UGT1A9: variants seen among roughly 807,000 people sequenced by gnomAD.
The protein encoded by UGT1A9 is UDP glucuronosyltransferase family 1 member A9, also known as UDP-glucuronosyltransferase 1A9.
UGT1A9 carries 35 observed loss-of-function variants against 45.0 expected under a neutral mutation model. The observed-to-expected ratio is 0.78, with a 90% confidence interval of 0.59 to 1.03. The LOEUF is 1.03. Ranked by LOEUF, UGT1A9 falls within the 50% of genes least tolerant of loss-of-function variation. The pLI is 0.00. For missense variants in UGT1A9, 687 were observed against 666.6 expected (o/e 1.03, Z -0.34); for synonymous variants, 278 against 250.6 (o/e 1.11, Z -1.03).
chr2:233,712,916 G>C, intron 1 of UGT1A9: 2 of 1,611,516 alleles, frequency 1.2e-6, no homozygotes, highest in South Asian at 2.2e-5. Context: ...CAGTGACAAG[G>C]TAATTAAGAC....
intron 1 of UGT1A9, chr2:233,729,771 C>A: frequency 6.2e-7 from 1 of 1,613,970 alleles, no homozygotes; most frequent in Non-Finnish European, 8.5e-7. Flanking sequence ...AGAACATGCT[C>A]TACCCTCTGG....
chr2:233,672,710 T>C lies in UGT1A9; in HGVS notation c.776T>C (p.Leu259Ser), dbSNP rs1411947068. 1 of 1,613,972 alleles carries C rather than the reference T, an allele frequency of 6.2e-7. No homozygotes were observed. Among genetic ancestry groups the C allele is most frequent in the South Asian group, 1.1e-5 (1 of 91,074 alleles). The change falls in exon 1 of 5, where the codon TTG becomes TCG. Residue 259 changes from leucine (L) to serine (S), a missense_variant. Coordinates refer to ENST00000354728, the MANE Select transcript of UGT1A9 (RefSeq NM_021027.3). The stretch of plus-strand genomic sequence containing the variant: ...TGGTTGTTGCGAACGGACTTTGTTT[T>C]GGACTATCCCAAACCCGTGATGCCC... Reference protein sequence around the residue: ...SIWLLRTDFVLDYPKPVMPNM... With the variant: ...SIWLLRTDFVSDYPKPVMPNM...
At chr2:233,753,987 C>A (rs1695364762) in intron 1 of UGT1A9, among the ~76,000 whole-genome samples, 1 of 152,156 alleles carries the variant, frequency 6.6e-6, no homozygotes, top group African/African-American at 2.4e-5. Context: ...TTTTAAGCCA[C>A]CAAGTTTGGG....
intron 1 of UGT1A9, chr2:233,747,578 G>A: frequency 6.3e-7 from 1 of 1,584,344 alleles, no homozygotes; most frequent in Non-Finnish European, 8.7e-7. Flanking sequence ...ATTCATCTTT[G>A]GTCTTTCATA....
chr2:233,686,654 A>G (rs1262274748), intron 1 of UGT1A9, among the ~76,000 whole-genome samples: 1 of 152,090 alleles, frequency 6.6e-6, no homozygotes, highest in Non-Finnish European at 1.5e-5. Context: ...AACATGATAC[A>G]CTACCTCTTT....
Position 233,769,738 on chromosome 2 carries a change from C to G in UGT1A9, c.1295+1299C>G. 1 of 1,454,300 alleles carries G rather than the reference C, an allele frequency of 6.9e-7. No individual in the cohort carries two copies. The highest frequency in any genetic ancestry group is 9.1e-7 in the Non-Finnish European group (1 of 1,102,384). The allele number at this position is 1,454,300 out of a possible 1,614,324, so 90.1% of individuals were successfully genotyped here. On this transcript the variant is annotated intron_variant, in intron 4 of 4. Transcript: ENST00000354728. The surrounding 1 kb of genome is among the most constrained non-coding windows in gnomAD (Gnocchi z 4.4). ...GGCACCATGGCACACGCCTGTAGTC[C>G]CAGCCACTCTGGAGGCTAAGGCGGG...
intron 1 of UGT1A9, among the ~76,000 whole-genome samples, chr2:233,717,018 C>T (rs1456974682): frequency 6.6e-6 from 1 of 152,192 alleles, no homozygotes; most frequent in Admixed American, 6.5e-5. Context: ...TCTGAAGGCA[C>T]CACCATCTTC....
intron 1 of UGT1A9, among the ~76,000 whole-genome samples, chr2:233,699,604 T>C (rs1376144779): frequency 6.6e-6 from 1 of 152,188 alleles, no homozygotes; most frequent in African/African-American, 2.4e-5. Flanking sequence ...GCCTGGTCTA[T>C]AGAAAGGAAT....
chr2:233,740,331 G>A (rs533064296), intron 1 of UGT1A9, among the ~76,000 whole-genome samples: 2 of 152,056 alleles, frequency 1.3e-5, no homozygotes, highest in Non-Finnish European at 2.9e-5. Flanking sequence ...CATTTATTGA[G>A]AAAGTTGATG....
At chr2:233,719,100 C>A (rs780011480) in intron 1 of UGT1A9, 1 of 1,614,270 alleles carries the variant, frequency 6.2e-7, no homozygotes, top group Admixed American at 1.7e-5. Flanking sequence ...TCGCGTTACG[C>A]TGGGCTACAC....
chr2:233,745,503 T>C (rs1023645979), intron 1 of UGT1A9, among the ~76,000 whole-genome samples: 6 of 151,616 alleles, frequency 4.0e-5, no homozygotes, highest in Admixed American at 6.6e-5. Flanking sequence ...AGATTTCCTA[T>C]AGGGTATTAG....
intron 1 of UGT1A9, among the ~76,000 whole-genome samples, chr2:233,730,647 C>T (rs2078057207): frequency 6.6e-6 from 1 of 152,076 alleles, no homozygotes; most frequent in Admixed American, 6.6e-5. Flanking sequence ...GATGTGGGGA[C>T]ATCTCAGAGT....
intron 1 of UGT1A9, among the ~76,000 whole-genome samples, chr2:233,674,394 A>G (rs2074282720): frequency 6.6e-6 from 1 of 152,180 alleles, no homozygotes; most frequent in Non-Finnish European, 1.5e-5. Flanking sequence ...CCCTCCATAA[A>G]TTATAGTATC....
Position 233,772,319 on chromosome 2 carries a change from GCT to G in UGT1A9, c.1354_1355del (p.Leu452GlyfsTer53). ...TTCACAAGGACCGCCCGGTGGAGCC[GCT>G]GGACCTGGCCGTGTTCTGGGTGGAG... ...SLHKDRPVEP[L>X]DLAVFWVEFV... On this transcript the variant is annotated frameshift_variant, in exon 5 of 5. Coordinates refer to ENST00000354728, the MANE Select transcript of UGT1A9 (RefSeq NM_021027.3). LOFTEE classifies it high-confidence loss of function. 1 of 1,614,164 alleles carries G rather than the reference GCT, an allele frequency of 6.2e-7. No homozygotes were observed. Among genetic ancestry groups the G allele is most frequent in the Non-Finnish European group, 8.5e-7 (1 of 1,180,030 alleles).
rs771467947 is a variant in UGT1A9 at position 233,672,424 on chromosome 2, C to A, written c.490C>A (p.Pro164Thr). 6 of 1,613,898 alleles carry A rather than the reference C, an allele frequency of 3.7e-6. No individual in the cohort carries two copies. The highest frequency in any genetic ancestry group is 5.1e-6 in the Non-Finnish European group (6 of 1,179,902). The change falls in exon 1 of 5, where the codon CCC becomes ACC. Residue 164 changes from proline (P) to threonine (T), a missense_variant. By Grantham distance (38) the Pro-to-Thr change is conservative. Transcript: ENST00000354728. ...AATTGTTGCCAAATATTTCTCCCTC[C>A]CCTCCGTGGTCTTCGCCAGGGGAAT... ...GLIVAKYFSL[P>T]SVVFARGILC...
intron 1 of UGT1A9, among the ~76,000 whole-genome samples, chr2:233,765,312 TTTA>T (rs1273770554): frequency 2.0e-5 from 3 of 152,204 alleles, no homozygotes; most frequent in African/African-American, 7.2e-5. Flanking sequence ...CACATATTTG[TTTA>T]TTGCAGCACT....
At chr2:233,757,033 A>T (rs1308821076) in intron 1 of UGT1A9, among the ~76,000 whole-genome samples, 1 of 151,746 alleles carries the variant, frequency 6.6e-6, no homozygotes, top group African/African-American at 2.4e-5. Flanking sequence ...CAATTTGAGA[A>T]CATCAAAGGA....
rs1178293466 is a variant in UGT1A9 at position 233,747,267 on chromosome 2, C to A, written c.856-19767C>A. On this transcript the variant is annotated intron_variant, in intron 1 of 4. Coordinates refer to ENST00000354728, the MANE Select transcript of UGT1A9 (RefSeq NM_021027.3). Reference sequence around the variant, plus strand: ...TGTGGCTGGCCACAGGAGTGCTACTCCTTCTCAGTGCCCAGCCCTGGGCTG... The same window carrying A: ...TGTGGCTGGCCACAGGAGTGCTACTACTTCTCAGTGCCCAGCCCTGGGCTG... 4 of 1,599,414 alleles carry A rather than the reference C, an allele frequency of 2.5e-6. No individual in the cohort carries two copies. In the South Asian group the frequency reaches 3.4e-5, roughly 13 times the overall value.
At chr2:233,708,191 T>G (rs2076007846) in intron 1 of UGT1A9, among the ~76,000 whole-genome samples, 1 of 152,240 alleles carries the variant, frequency 6.6e-6, no homozygotes, top group African/African-American at 2.4e-5. Context: ...CGTGCACATT[T>G]TAAATGTCAT....
Sources: allele counts gnomAD v4.1 joint callset (sites outside exome capture counted in the v4.1 genomes callset), GRCh38; gene constraint gnomAD v4.1.1; non-coding constraint Gnocchi (gnomAD v3.1); transcripts MANE v1.5; gene names NCBI Gene and HGNC (gene_info 2026-07-23, HGNC 2026-07-21).